LRP1B: variants seen among roughly 807,000 people sequenced by gnomAD.
LRP1B encodes the protein low-density lipoprotein receptor-related protein 1B.
LRP1B carries 217 observed loss-of-function variants against 556.6 expected under a neutral mutation model. The ratio of observed to expected loss-of-function variants is 0.39; its 90% confidence interval spans 0.35 to 0.44. The LOEUF (loss-of-function observed/expected upper bound fraction) is 0.44. Among genes scored for constraint, LRP1B ranks in the 20% least tolerant of loss-of-function variants. LRP1B has a pLI of 1.00. For missense variants in LRP1B, 5,053 were observed against 5,620.8 expected (o/e 0.90, Z 3.23); for synonymous variants, 2,047 against 1,865.8 (o/e 1.10, Z -2.50).
intron 77 of LRP1B, among the ~76,000 whole-genome samples, chr2:140,342,145 T>C (rs1226175427): frequency 6.6e-6 from 1 of 151,488 alleles, no homozygotes; most frequent in East Asian, 1.9e-4. Context: ...ATATAATTTA[T>C]AATTATTCTT....
intron 18 of LRP1B, among the ~76,000 whole-genome samples, chr2:140,964,551 C>T (rs1359739280): frequency 6.6e-6 from 1 of 150,840 alleles, no homozygotes; most frequent in Non-Finnish European, 1.5e-5. Context: ...CTCTGGTGGC[C>T]CTGTCCAGGC....
intron 3 of LRP1B, among the ~76,000 whole-genome samples, chr2:141,275,426 T>G (rs1057212739): frequency 2.0e-5 from 3 of 152,054 alleles, no homozygotes; most frequent in African/African-American, 7.2e-5. Context: ...ATACCAGTAA[T>G]GGTCGGGTGT....
chr2:141,302,561 C>A (rs1343599217), intron 3 of LRP1B, among the ~76,000 whole-genome samples: 1 of 151,978 alleles, frequency 6.6e-6, no homozygotes, highest in African/African-American at 2.4e-5. Flanking sequence ...CCATTTGTTT[C>A]ATAAAAACAA....
chr2:140,681,124 G>A (rs1685846414), intron 41 of LRP1B, among the ~76,000 whole-genome samples: 1 of 152,112 alleles, frequency 6.6e-6, no homozygotes, highest in South Asian at 2.1e-4. Flanking sequence ...AATTTAATAT[G>A]GCTTACAGCA....
intron 4 of LRP1B, among the ~76,000 whole-genome samples, chr2:141,248,017 G>C (rs575072795): frequency 6.6e-6 from 1 of 152,112 alleles, no homozygotes; most frequent in Non-Finnish European, 1.5e-5. Flanking sequence ...AGACCAGCCT[G>C]GCCAACATGG....
chr2:140,337,751 C>T (rs550371368), intron 77 of LRP1B, among the ~76,000 whole-genome samples: 1 of 151,828 alleles, frequency 6.6e-6, no homozygotes, highest in Non-Finnish European at 1.5e-5. Context: ...TAAATGTTTA[C>T]ACCTTATTTT....
At chr2:140,345,747 T>TAC (rs1483846150) in intron 77 of LRP1B, among the ~76,000 whole-genome samples, 1 of 125,096 alleles carries the variant, frequency 8.0e-6, no homozygotes, top group African/African-American at 2.9e-5. Context: ...TACATATATA[T>TAC]ACACATATAT....
chr2:140,800,130 C>G (rs1470191254), intron 32 of LRP1B, among the ~76,000 whole-genome samples: 1 of 152,140 alleles, frequency 6.6e-6, no homozygotes, highest in African/African-American at 2.4e-5. Context: ...CCATCATTCT[C>G]AGCAAACTAT....
intron 17 of LRP1B, among the ~76,000 whole-genome samples, chr2:140,987,194 C>A (rs1299785591): frequency 6.6e-6 from 1 of 151,850 alleles, no homozygotes; most frequent in Non-Finnish European, 1.5e-5. Flanking sequence ...TCTTTTTATT[C>A]GAGTTCTTAA....
intron 2 of LRP1B, among the ~76,000 whole-genome samples, chr2:141,530,333 T>C (rs937450193): frequency 1.3e-5 from 2 of 152,116 alleles, no homozygotes; most frequent in Non-Finnish European, 2.9e-5. Flanking sequence ...AAGGTCAATA[T>C]CACCAAAGTG....
chr2:140,919,579 T>A (rs1694678168), intron 21 of LRP1B, among the ~76,000 whole-genome samples: 1 of 152,046 alleles, frequency 6.6e-6, no homozygotes, highest in South Asian at 2.1e-4. Context: ...CAGCTTTATT[T>A]CTATTGACCC....
chr2:140,684,788 T>A (rs1197904958), intron 41 of LRP1B, among the ~76,000 whole-genome samples: 3 of 152,188 alleles, frequency 2.0e-5, no homozygotes, highest in African/African-American at 7.2e-5. Context: ...ATTGTCTCTA[T>A]AATGGCATGC....
chr2:140,506,314 G>A (rs938038831), intron 53 of LRP1B, among the ~76,000 whole-genome samples: 1 of 151,842 alleles, frequency 6.6e-6, no homozygotes, highest in Non-Finnish European at 1.5e-5. Flanking sequence ...GCATGATCTC[G>A]GCTCACTGCG....
chr2:141,939,308 A>G (rs1700725871), intron 1 of LRP1B, among the ~76,000 whole-genome samples: 1 of 152,104 alleles, frequency 6.6e-6, no homozygotes, highest in African/African-American at 2.4e-5. Flanking sequence ...GCAAAGGCAT[A>G]AATATGTAAT....
At chr2:141,426,411 T>C (rs1275457996) in intron 3 of LRP1B, among the ~76,000 whole-genome samples, 2 of 152,212 alleles carry the variant, frequency 1.3e-5, no homozygotes, top group African/African-American at 2.4e-5. Flanking sequence ...AAATTTTAAC[T>C]GAAATGCAGG....
intron 2 of LRP1B, among the ~76,000 whole-genome samples, chr2:141,701,854 T>C (rs963603649): frequency 1.3e-5 from 2 of 151,922 alleles, no homozygotes; most frequent in African/African-American, 4.8e-5. Context: ...TCAATATTTA[T>C]TTAGTCCTCA....
At chr2:141,275,384 G>C (rs930832504) in intron 3 of LRP1B, among the ~76,000 whole-genome samples, 6 of 152,142 alleles carry the variant, frequency 3.9e-5, no homozygotes, top group African/African-American at 1.4e-4. Context: ...TAGGGAGGGA[G>C]TTGATGGTAC....
At chr2:141,758,599 G>A (rs1263453794) in intron 2 of LRP1B, among the ~76,000 whole-genome samples, 1 of 151,900 alleles carries the variant, frequency 6.6e-6, no homozygotes, top group African/African-American at 2.4e-5. Flanking sequence ...GATTTAACAA[G>A]GTATGTATTT....
At chr2:141,653,671 C>G (rs1467052593) in intron 2 of LRP1B, among the ~76,000 whole-genome samples, 1 of 152,124 alleles carries the variant, frequency 6.6e-6, no homozygotes, top group East Asian at 1.9e-4. Flanking sequence ...GTTTTCATAG[C>G]ATCAGGTAAT....
Sources: gnomAD v4.1 joint callset for allele counts (sites outside exome capture counted in the v4.1 genomes callset) on GRCh38, gnomAD v4.1.1 for gene constraint, MANE v1.5 for transcripts, NCBI Gene and HGNC (gene_info 2026-07-23, HGNC 2026-07-21) for gene names.